Variants in TMEM71 observed in about 807,000 individuals in gnomAD.
TMEM71 encodes the protein transmembrane protein 71.
A neutral mutation model predicts 38.0 loss-of-function variants in TMEM71; 44 were observed. The observed-to-expected ratio is 1.16, with a 90% CI of 0.91 to 1.49. TMEM71 has a LOEUF of 1.49. Ranked by LOEUF, TMEM71 falls within the 40% of genes most tolerant of loss-of-function variation. The pLI is 0.00. For synonymous variants in TMEM71, 133 were observed against 122.5 expected, an observed-to-expected ratio of 1.09 and a Z score of -0.56; for missense variants, 367 against 348.6, an observed-to-expected ratio of 1.05 and a Z score of -0.42.
At position 132,733,821 on chromosome 8, in the gene TMEM71, T is replaced by TA. The variant is rs1301960611; in HGVS notation, c.488-5836dup. On this transcript the variant is annotated intron_variant, in intron 5 of 9. Coordinates refer to ENST00000677595, the MANE Select transcript of TMEM71 (RefSeq NM_001382403.1). ...CATCCAATGGAATATTATTCAATCT[T>TA]AAAAAAAAGAAGGAAATCTTGCCAT... is the stretch of plus-strand genomic sequence containing the variant. Among the ~76,000 whole-genome samples, 8 of 151,824 alleles carry TA rather than the reference T, an allele frequency of 5.3e-5. No homozygotes were observed. In the East Asian group the frequency reaches 1.5e-3, roughly 29 times the overall value.
intron 5 of TMEM71, among the ~76,000 whole-genome samples, chr8:132,743,371 C>T (rs1828156736): frequency 1.3e-5 from 2 of 152,124 alleles, no homozygotes; most frequent in African/African-American, 4.8e-5. Context: ...ACCAGTCACC[C>T]CCAGGCAAAT....
chr8:132,740,736 G>A (rs992680373), intron 5 of TMEM71, among the ~76,000 whole-genome samples: 2 of 152,180 alleles, frequency 1.3e-5, no homozygotes, highest in African/African-American at 4.8e-5. Flanking sequence ...CCAGCCACAC[G>A]GACCTTTGAA....
At chr8:132,746,860 C>CGTCA in intron 5 of TMEM71, 82 bp downstream of exon 5, 1 of 1,153,902 alleles carries the variant, frequency 8.7e-7, no homozygotes, top group South Asian at 2.1e-5. Context: ...ATCCCTGGAA[C>CGTCA]TGACATTGGT....
At chr8:132,732,116 C>T (rs1827491620) in intron 5 of TMEM71, among the ~76,000 whole-genome samples, 1 of 152,200 alleles carries the variant, frequency 6.6e-6, no homozygotes, top group Admixed American at 6.5e-5. Flanking sequence ...CTGCCTTACT[C>T]ATGATCTGGA....
At chr8:132,713,190 C>T (rs895782443) in intron 9 of TMEM71, among the ~76,000 whole-genome samples, 6 of 122,486 alleles carry the variant, frequency 4.9e-5, no homozygotes, top group African/African-American at 3.7e-4. Flanking sequence ...TCTTGAGCTA[C>T]CCAGAGATTC....
the TMEM71 span, among the ~76,000 whole-genome samples, chr8:132,766,988 G>A: frequency 6.6e-6 from 1 of 152,144 alleles, no homozygotes; most frequent in Admixed American, 6.6e-5. Context: ...CAGAGATGGA[G>A]TAACTTCCAT....
rs975995287 is a variant in TMEM71, at chr8:132,715,409, C to CAAAAAAAAAAAAAAAAA, written c.753-1211_753-1195dup. Among the ~76,000 whole-genome samples the CAAAAAAAAAAAAAAAAA allele has an allele frequency of 2.1e-3, 46 of 21,566 alleles. 1 individual carries two copies. Among genetic ancestry groups the CAAAAAAAAAAAAAAAAA allele is most frequent in the African/African-American group, 2.6e-3 (21 of 8,166 alleles). 14.1% of individuals were successfully genotyped at this position (21,566 alleles called of 152,430 possible). A position where few individuals can be genotyped will look rare whatever the true frequency, so the allele number is the denominator to read the frequency against. ...TGGGCGACAGAGCAAGACTCCGTCT[C>CAAAAAAAAAAAAAAAAA]AAAAAAAAAAAAAAAAAAAAAAAAA... On this transcript the variant is annotated intron_variant, in intron 7 of 9. Transcript: ENST00000677595.
At chr8:132,718,928 G>A (rs11996730) in intron 7 of TMEM71, among the ~76,000 whole-genome samples, 66,168 of 151,956 alleles carry the variant, frequency 0.44, 16,604 homozygotes, top group African/African-American at 0.7. Flanking sequence ...AATACAAAAA[G>A]GAAAAGAAAA....
intron 5 of TMEM71, among the ~76,000 whole-genome samples, chr8:132,742,406 A>C (rs1828095371): frequency 6.6e-6 from 1 of 152,134 alleles, no homozygotes; most frequent in East Asian, 1.9e-4. Context: ...ACAAAAAAAC[A>C]CTCCGATGTT....
downstream of TMEM71, among the ~76,000 whole-genome samples, chr8:132,706,705 G>A (rs1826099501): frequency 6.6e-6 from 1 of 152,050 alleles, no homozygotes; most frequent in Non-Finnish European, 1.5e-5. Context: ...AAAGACTCAA[G>A]CATTCATCTC....
At chr8:132,742,147 T>C (rs1413870544) in intron 5 of TMEM71, among the ~76,000 whole-genome samples, 4 of 152,240 alleles carry the variant, frequency 2.6e-5, no homozygotes, top group African/African-American at 7.2e-5. Flanking sequence ...ATTATTATAA[T>C]ATTGGAATAA....
upstream of TMEM71, among the ~76,000 whole-genome samples, chr8:132,762,919 G>A (rs1829321303): frequency 6.6e-6 from 1 of 152,212 alleles, no homozygotes; most frequent in Non-Finnish European, 1.5e-5. Context: ...GCAGGACAGA[G>A]GTTTATAGAG....
intron 5 of TMEM71, among the ~76,000 whole-genome samples, chr8:132,732,992 C>T (rs1242873901): frequency 2.0e-5 from 3 of 152,184 alleles, no homozygotes; most frequent in Non-Finnish European, 2.9e-5. Flanking sequence ...AGAGTCCTTT[C>T]GACAACTCTG....
At chr8:132,730,087 T>G (rs1827369723) in intron 5 of TMEM71, among the ~76,000 whole-genome samples, 1 of 152,038 alleles carries the variant, frequency 6.6e-6, no homozygotes, top group Non-Finnish European at 1.5e-5. Flanking sequence ...GCCTCCCGAA[T>G]AGCTGGGATT....
At chr8:132,747,495 G>T (rs999969563) in intron 4 of TMEM71, among the ~76,000 whole-genome samples, 1 of 152,170 alleles carries the variant, frequency 6.6e-6, no homozygotes, top group African/African-American at 2.4e-5. Flanking sequence ...TTTCTGATCA[G>T]GAAACTTAGG....
chr8:132,719,896 C>G (rs1486112875), intron 7 of TMEM71, among the ~76,000 whole-genome samples: 1 of 152,118 alleles, frequency 6.6e-6, no homozygotes, highest in Non-Finnish European at 1.5e-5. Flanking sequence ...TTCCAGGATC[C>G]CATCCAGGTC....
downstream of TMEM71, among the ~76,000 whole-genome samples, chr8:132,706,812 TATC>T (rs1826101577): frequency 6.6e-6 from 1 of 152,304 alleles, no homozygotes; most frequent in South Asian, 2.1e-4. Context: ...CAAACTGGAA[TATC>T]ATCCTTTTCA....
chr8:132,766,565 C>T, the TMEM71 span, among the ~76,000 whole-genome samples: 79 of 152,082 alleles, frequency 5.2e-4, no homozygotes, highest in Middle Eastern at 3.4e-3. Flanking sequence ...CTTGGGAGGC[C>T]GAGGTAGGCG....
chr8:132,713,534 A>T (rs1826348279), intron 9 of TMEM71, among the ~76,000 whole-genome samples: 1 of 152,068 alleles, frequency 6.6e-6, no homozygotes, highest in South Asian at 2.1e-4. Context: ...TCCCAACCAG[A>T]CCCCAGTAAC....
Sources: gnomAD v4.1 joint callset for allele counts (sites outside exome capture counted in the v4.1 genomes callset) on GRCh38, gnomAD v4.1.1 for gene constraint, MANE v1.5 for transcripts, NCBI Gene and HGNC (gene_info 2026-07-23, HGNC 2026-07-21) for gene names.